Variants in NUDT2 observed in about 807,000 individuals in gnomAD.
NUDT2 encodes bis(5'-nucleosyl)-tetraphosphatase [asymmetrical].
In NUDT2, 12 loss-of-function variants were observed where a neutral mutation model predicts 14.2. The ratio of observed to expected loss-of-function variants is 0.84; its 90% CI spans 0.54 to 1.37. The LOEUF (loss-of-function observed/expected upper bound fraction) is 1.37, where lower values mean the gene tolerates loss of function less well. Ranked by LOEUF, NUDT2 falls within the 40% of genes most tolerant of loss-of-function variation. NUDT2 has a pLI of 0.00. For missense variants in NUDT2, 167 were observed against 176.7 expected (o/e 0.95, Z 0.31); for synonymous variants, 67 against 67.4 (o/e 0.99, Z 0.03).
In NUDT2 at chr9:34,343,390, A is replaced by C; in HGVS notation, c.394A>C (p.Lys132Gln). The C allele has an allele frequency of 1.2e-6, 2 of 1,612,214 alleles. No individual in the cohort carries two copies. Among genetic ancestry groups the C allele is most frequent in the Non-Finnish European group, 1.7e-6 (2 of 1,178,630 alleles). ...ACQLAQFKEMKAALQEGHQFL... is the reference protein window; with the variant it reads ...ACQLAQFKEMQAALQEGHQFL... ...CCAGTTGGCTCAGTTCAAGGAGATG[A>C]AGGCAGCGCTCCAAGAAGGACACCA... is the stretch of plus-strand genomic sequence containing the variant. The change falls in exon 5 of 5, where the codon AAG (lysine) becomes CAG (glutamine). Residue 132 changes from lysine to glutamine, a missense_variant. By Grantham distance (53) the Lys-to-Gln change is moderately conservative. Transcript: ENST00000379158.
chr9:34,340,813 A>C (rs1820165811), intron 4 of NUDT2, among the ~76,000 whole-genome samples: 1 of 152,208 alleles, frequency 6.6e-6, no homozygotes, highest in Non-Finnish European at 1.5e-5. Flanking sequence ...AGAAGGAAGC[A>C]GGGACTTTAT....
chr9:34,343,147 G>A lies in NUDT2; in HGVS notation c.151G>A (p.Asp51Asn), dbSNP rs1194989704. ...PKGHVEPGED[D>N]LETALRETQE... is the part of the protein sequence containing the mutation. Reference sequence around the variant, plus strand: ...AGGCCATGTGGAACCAGGAGAGGATGACTTGGAAACAGCCCTGAGGGAGAC... The same window carrying A: ...AGGCCATGTGGAACCAGGAGAGGATAACTTGGAAACAGCCCTGAGGGAGAC... The change falls in exon 5 of 5, where the codon GAC becomes AAC. Residue 51 changes from aspartate (D) to asparagine (N), a missense_variant. Physicochemically the swap from Asp to Asn is conservative, Grantham distance 23. Coordinates refer to ENST00000379158, the MANE Select transcript of NUDT2 (RefSeq NM_001161.5). 1 of 1,613,660 alleles carries A rather than the reference G, an allele frequency of 6.2e-7. No homozygotes were observed. Among genetic ancestry groups the A allele is most frequent in the Non-Finnish European group, 8.5e-7 (1 of 1,179,748 alleles).
Position 34,343,425 on chromosome 9 carries a change from C to A in NUDT2, c.429C>A (p.Cys143Ter). Residue 143 changes from cysteine (C) to a stop codon, truncating the protein, a stop_gained, in exon 5 of 5, where the codon TGC becomes TGA. Transcript: ENST00000379158. LOFTEE classifies it high-confidence loss of function. ...AALQEGHQFL[C>*]SIEA ...TCCAAGAAGGACACCAGTTTCTTTG[C>A]TCCATAGAGGCCTGAGCTGACTGGA... The A allele has an allele frequency of 6.3e-7, 1 of 1,599,506 alleles. No homozygotes were observed. Among genetic ancestry groups the A allele is most frequent in the South Asian group, 1.1e-5 (1 of 88,496 alleles).
chr9:34,333,530 G>A (rs953041128), intron 1 of NUDT2, among the ~76,000 whole-genome samples: 1 of 151,278 alleles, frequency 6.6e-6, no homozygotes, highest in Non-Finnish European at 1.5e-5. Context: ...CTACCCAGGA[G>A]GCTAAGACAG....
At chr9:34,339,221 T>C in intron 4 of NUDT2, 55 bp downstream of exon 4, 1 of 1,590,458 alleles carries the variant, frequency 6.3e-7, no homozygotes, top group Non-Finnish European at 8.6e-7. Context: ...CTCAGAAATC[T>C]ACCCTGCCAG....
intron 4 of NUDT2, among the ~76,000 whole-genome samples, chr9:34,340,302 T>C (rs564110171): frequency 6.6e-6 from 1 of 152,324 alleles, no homozygotes; most frequent in African/African-American, 2.4e-5. Flanking sequence ...TAGTTGTATT[T>C]TGAGTTGGAG....
At chr9:34,342,989 A>T in intron 4 of NUDT2, 135 bp from the exon 5 acceptor site, 1 of 753,980 alleles carries the variant, frequency 1.3e-6, no homozygotes, top group South Asian at 1.8e-5. Flanking sequence ...GCACTACTGC[A>T]CTCTGGCCTG....
intron 4 of NUDT2, among the ~76,000 whole-genome samples, chr9:34,340,969 G>A (rs185888927): frequency 1.9e-4 from 29 of 152,152 alleles, no homozygotes; most frequent in African/African-American, 6.3e-4. Context: ...GAGCCACCAC[G>A]CCTGGCCAGA....
intron 4 of NUDT2, among the ~76,000 whole-genome samples, chr9:34,339,915 T>C (rs773618405): frequency 2.6e-5 from 4 of 151,540 alleles, no homozygotes; most frequent in Non-Finnish European, 5.9e-5. Flanking sequence ...CCTAGTTCAG[T>C]GTCCCTATCA....
chr9:34,335,395 G>C (rs755111883), intron 1 of NUDT2, among the ~76,000 whole-genome samples: 15 of 152,340 alleles, frequency 9.8e-5, no homozygotes, highest in Non-Finnish European at 2.1e-4. Flanking sequence ...AAGATACACA[G>C]TGTCTACTCC....
chr9:34,342,439 T>A (rs1820215126), intron 4 of NUDT2, among the ~76,000 whole-genome samples: 1 of 152,156 alleles, frequency 6.6e-6, no homozygotes, highest in African/African-American at 2.4e-5. Context: ...GAAAAATCAC[T>A]TCAAGGTCTC....
intron 1 of NUDT2, among the ~76,000 whole-genome samples, chr9:34,333,763 GTGAACAGAGCTA>G (rs1166398712): frequency 1.3e-5 from 2 of 151,530 alleles, no homozygotes; most frequent in Non-Finnish European, 2.9e-5. Flanking sequence ...CTCTTTCATG[GTGAACAGAGCTA>G]TGAAAGGGAC....
chr9:34,342,171 A>G (rs1315776518), intron 4 of NUDT2, among the ~76,000 whole-genome samples: 2 of 152,218 alleles, frequency 1.3e-5, no homozygotes, highest in African/African-American at 4.8e-5. Flanking sequence ...GCTGGCCCTT[A>G]GTCTAAGTTC....
At chr9:34,341,038 G>A (rs771214701) in intron 4 of NUDT2, among the ~76,000 whole-genome samples, 22 of 152,168 alleles carry the variant, frequency 1.4e-4, no homozygotes, top group Middle Eastern at 3.4e-3. Context: ...CAGGATTGAA[G>A]GAAAACAAGG....
chr9:34,340,469 C>G (rs1243321657), intron 4 of NUDT2, among the ~76,000 whole-genome samples: 1 of 152,188 alleles, frequency 6.6e-6, no homozygotes, highest in African/African-American at 2.4e-5. Flanking sequence ...TGCAGCTTGA[C>G]CAGCTAGCTA....
In NUDT2 at chr9:34,333,460, C is replaced by G. The variant is rs34858371; in HGVS notation, c.-264-2769C>G. On this transcript the variant is annotated intron_variant, in intron 1 of 4. Coordinates refer to ENST00000379158, the MANE Select transcript of NUDT2 (RefSeq NM_001161.5). ...TGGTCAGCATAGCAAGACCCCATCT[C>G]TACAAAAAAAGTGTTTTTTAAATTT... 7.8e-4 allele frequency among the ~76,000 whole-genome samples: 119 copies of G among 151,824 alleles called. 1 individual carries two copies. The Middle Eastern group carries it at 0.02, about 26-fold the overall frequency.
intron 1 of NUDT2, among the ~76,000 whole-genome samples, chr9:34,334,215 G>A (rs745928679): frequency 3.2e-4 from 49 of 152,250 alleles, no homozygotes; most frequent in Non-Finnish European, 4.7e-4. Context: ...CCTAGGTCCC[G>A]AACCTCCTAG....
At chr9:34,340,559 G>A (rs921525293) in intron 4 of NUDT2, among the ~76,000 whole-genome samples, 1 of 152,258 alleles carries the variant, frequency 6.6e-6, no homozygotes, top group Admixed American at 6.5e-5. Flanking sequence ...AAGACTACTG[G>A]CCTGAGGCCT....
intron 4 of NUDT2, among the ~76,000 whole-genome samples, chr9:34,340,257 C>G (rs1322884003): frequency 6.6e-6 from 1 of 152,176 alleles, no homozygotes; most frequent in Non-Finnish European, 1.5e-5. Context: ...TTGAACTAAA[C>G]ACAGAGAGTA....
Sources: allele counts gnomAD v4.1 joint callset (sites outside exome capture counted in the v4.1 genomes callset), GRCh38; gene constraint gnomAD v4.1.1; transcripts MANE v1.5; gene names NCBI Gene and HGNC (gene_info 2026-07-23, HGNC 2026-07-21).